Variants in RERG observed in about 807,000 individuals in gnomAD.
RERG encodes RAS like estrogen regulated growth inhibitor.
A neutral mutation model predicts 23.2 loss-of-function variants in RERG; 25 were observed. The ratio of observed to expected loss-of-function variants is 1.08; its 90% CI spans 0.79 to 1.50. The LOEUF is 1.50. RERG is among the 40% of genes most tolerant of loss of function. The probability of loss-of-function intolerance (pLI) is 0.00; values close to 1 mark genes in which losing one functional copy is unlikely to be tolerated. For synonymous variants in RERG, 81 were observed against 89.1 expected, an observed-to-expected ratio of 0.91 and a Z score of 0.51; for missense variants, 253 against 250.1, an observed-to-expected ratio of 1.01 and a Z score of -0.08.
intron 2 of RERG, among the ~76,000 whole-genome samples, chr12:15,189,285 A>G (rs1410162564): frequency 6.6e-6 from 1 of 152,082 alleles, no homozygotes. Context: ...TCACCTCCCC[A>G]AGAATCTCTC....
At chr12:15,127,980 C>T (rs1270110467) in intron 2 of RERG, among the ~76,000 whole-genome samples, 2 of 152,114 alleles carry the variant, frequency 1.3e-5, no homozygotes, top group Non-Finnish European at 2.9e-5. Context: ...ATTTACAAAG[C>T]AGTTAAGTGA....
intron 2 of RERG, among the ~76,000 whole-genome samples, chr12:15,161,230 C>T: frequency 1.0e-5 from 1 of 95,604 alleles, no homozygotes; most frequent in Middle Eastern, 5.1e-3. Context: ...AAGAAAGAAA[C>T]AGGGGCATCA....
At chr12:15,161,185 A>AGAAAGAAAGAAAGAAAG (rs1491102280) in intron 2 of RERG, among the ~76,000 whole-genome samples, 3 of 149,282 alleles carry the variant, frequency 2.0e-5, no homozygotes, top group East Asian at 4.0e-4. Context: ...AAAGAAAGAA[A>AGAAAGAAAGAAAGAAAG]GAAAGAAAGA....
At chr12:15,152,675 G>T (rs1047089995) in intron 2 of RERG, among the ~76,000 whole-genome samples, 2 of 152,108 alleles carry the variant, frequency 1.3e-5, no homozygotes, top group Non-Finnish European at 2.9e-5. Context: ...CTGTGGTTTC[G>T]CATGGACTAG....
intron 2 of RERG, among the ~76,000 whole-genome samples, chr12:15,132,044 A>C (rs1864057201): frequency 6.6e-6 from 1 of 152,176 alleles, no homozygotes; most frequent in Non-Finnish European, 1.5e-5. Flanking sequence ...AGAAATTTCC[A>C]ATTATGTTTA....
chr12:15,113,263 G>C (rs1391699461), intron 3 of RERG, among the ~76,000 whole-genome samples: 1 of 151,586 alleles, frequency 6.6e-6, no homozygotes, highest in Non-Finnish European at 1.5e-5. Context: ...AATTAGAAGA[G>C]AAGAAACAGA....
At chr12:15,220,069 A>G (rs1237414327) in intron 1 of RERG, among the ~76,000 whole-genome samples, 2 of 152,260 alleles carry the variant, frequency 1.3e-5, no homozygotes, top group Non-Finnish European at 2.9e-5. Context: ...GTGAAAAGTT[A>G]CATTTGACAA....
chr12:15,142,657 T>C (rs1864256905), intron 2 of RERG, among the ~76,000 whole-genome samples: 1 of 152,120 alleles, frequency 6.6e-6, no homozygotes, highest in South Asian at 2.1e-4. Flanking sequence ...TTCTAGCATT[T>C]ATCTGGATAA....
chr12:15,181,515 A>G (rs375391340), intron 2 of RERG, among the ~76,000 whole-genome samples: 9 of 152,346 alleles, frequency 5.9e-5, no homozygotes, highest in African/African-American at 1.9e-4. Flanking sequence ...TGGCCCTGCC[A>G]CTTACTAGTT....
intron 2 of RERG, among the ~76,000 whole-genome samples, chr12:15,127,747 G>C (rs1303124702): frequency 1.3e-5 from 2 of 152,184 alleles, no homozygotes; most frequent in Admixed American, 6.5e-5. Flanking sequence ...TTGGATTAAA[G>C]TGTATATGCT....
intron 2 of RERG, among the ~76,000 whole-genome samples, chr12:15,153,254 G>A (rs982423647): frequency 2.0e-5 from 3 of 152,304 alleles, no homozygotes; most frequent in Middle Eastern, 3.4e-3. Context: ...TGTGATGGGT[G>A]CTTGATTTTA....
At chr12:15,166,630 G>A (rs1049154778) in intron 2 of RERG, among the ~76,000 whole-genome samples, 9 of 151,988 alleles carry the variant, frequency 5.9e-5, no homozygotes, top group African/African-American at 2.2e-4. Context: ...CAAACATTAT[G>A]TGAAATTCAC....
intron 2 of RERG, among the ~76,000 whole-genome samples, chr12:15,214,516 G>A (rs975552489): frequency 1.3e-5 from 2 of 152,106 alleles, no homozygotes; most frequent in African/African-American, 4.8e-5. Context: ...ATTCCAGCAG[G>A]TATAATTTCT....
intron 2 of RERG, among the ~76,000 whole-genome samples, chr12:15,128,544 T>C (rs987823237): frequency 2.0e-5 from 3 of 152,156 alleles, no homozygotes; most frequent in Non-Finnish European, 4.4e-5. Flanking sequence ...TATAAAGATA[T>C]GTGGGTAATT....
intron 1 of RERG, chr12:15,217,823 G>T: frequency 4.5e-6 from 1 of 222,796 alleles, no homozygotes; most frequent in Admixed American, 5.6e-5. Flanking sequence ...ACTAAAACGT[G>T]CATTATCACA....
chr12:15,139,147 G>T, intron 2 of RERG, among the ~76,000 whole-genome samples: 1 of 149,704 alleles, frequency 6.7e-6, no homozygotes, highest in Non-Finnish European at 1.5e-5. Context: ...TATTTGTGTA[G>T]GTCTACCTCT....
chr12:15,129,240 G>C (rs972085287), intron 2 of RERG, among the ~76,000 whole-genome samples: 1 of 151,212 alleles, frequency 6.6e-6, no homozygotes, highest in African/African-American at 2.4e-5. Flanking sequence ...AGCTGTTCTG[G>C]AAGGGAATGG....
At chr12:15,192,672 C>A (rs919978870) in intron 2 of RERG, among the ~76,000 whole-genome samples, 1 of 152,026 alleles carries the variant, frequency 6.6e-6, no homozygotes, top group African/African-American at 2.4e-5. Context: ...CTGTTTTTTT[C>A]TCTTTCCAGT....
intron 2 of RERG, among the ~76,000 whole-genome samples, chr12:15,170,222 C>T (rs1281540099): frequency 3.3e-5 from 5 of 151,788 alleles, no homozygotes; most frequent in Admixed American, 6.6e-5. Flanking sequence ...ATTAGAAGAG[C>T]GAACCCAAAT....
Sources: gnomAD v4.1 joint callset for allele counts (sites outside exome capture counted in the v4.1 genomes callset) on GRCh38, gnomAD v4.1.1 for gene constraint, MANE v1.5 for transcripts, NCBI Gene and HGNC (gene_info 2026-07-23, HGNC 2026-07-21) for gene names.